Variants in SEMA4D observed in about 807,000 individuals in gnomAD.
The protein encoded by SEMA4D is semaphorin 4D, also known as semaphorin-4D.
Under a neutral mutation model 74.8 loss-of-function variants are expected in SEMA4D, and 22 were observed. The ratio of observed to expected loss-of-function variants is 0.29; its 90% CI spans 0.21 to 0.42. SEMA4D has a LOEUF of 0.42. Ranked by LOEUF, SEMA4D falls within the 10% of genes least tolerant of loss-of-function variation. The pLI is 1.00. For missense variants in SEMA4D, 937 were observed against 1,118.4 expected (o/e 0.84, Z 2.31); for synonymous variants, 445 against 463.7 (o/e 0.96, Z 0.52).
intron 16 of SEMA4D, chr9:89,368,086 C>G (rs1321269926): frequency 6.6e-6 from 1 of 152,562 alleles, no homozygotes; most frequent in Non-Finnish European, 1.5e-5. Flanking sequence ...GTTGCTCGGG[C>G]CCATCCTGGA....
intron 2 of SEMA4D, among the ~76,000 whole-genome samples, chr9:89,413,433 T>C (rs951275100): frequency 6.6e-5 from 10 of 152,224 alleles, no homozygotes; most frequent in African/African-American, 2.4e-4. Flanking sequence ...TATGTATATA[T>C]ATATGTGGAC....
At chr9:89,446,980 C>G (rs1409516363) in intron 2 of SEMA4D, among the ~76,000 whole-genome samples, 1 of 152,146 alleles carries the variant, frequency 6.6e-6, no homozygotes, top group Non-Finnish European at 1.5e-5. Context: ...GATGCCTTCC[C>G]TTCCAAATCC....
chr9:89,417,355 A>T (rs1469639338), intron 2 of SEMA4D, among the ~76,000 whole-genome samples: 1 of 152,236 alleles, frequency 6.6e-6, no homozygotes, highest in Non-Finnish European at 1.5e-5. Context: ...TGCTGTGCTA[A>T]TTAAAGCCGC....
intron 1 of SEMA4D, chr9:89,472,369 CT>C: frequency 2.6e-6 from 1 of 385,646 alleles, no homozygotes; most frequent in Non-Finnish European, 5.0e-6. Flanking sequence ...AGACAAGACA[CT>C]TACAAGATGG....
chr9:89,487,487 C>T (rs1281956415), intron 1 of SEMA4D, among the ~76,000 whole-genome samples: 1 of 152,134 alleles, frequency 6.6e-6, no homozygotes, highest in African/African-American at 2.4e-5. Context: ...GCAAGAATGT[C>T]CACTTTTATC....
At chr9:89,490,740 A>G (rs72750937) in intron 1 of SEMA4D, among the ~76,000 whole-genome samples, 3,358 of 152,328 alleles carry the variant, frequency 0.022, 66 homozygotes, top group South Asian at 0.075. Context: ...AGCAACTGTC[A>G]AATATATGCT....
chr9:89,366,711 A>C (rs935759558), intron 16 of SEMA4D, among the ~76,000 whole-genome samples: 2 of 152,254 alleles, frequency 1.3e-5, no homozygotes, highest in Admixed American at 6.5e-5. Flanking sequence ...GCTGATGGGC[A>C]TCCAGGTAAA....
chr9:89,440,227 G>A lies in SEMA4D; in HGVS notation c.-244+15661C>T, dbSNP rs545234932. The stretch of plus-strand genomic sequence containing the variant: ...CCTCTGCCCCACAGACCCAGTTGAG[G>A]CTCCCTCCCCGCCCCTGCCAGGAAG... On this transcript the variant is annotated intron_variant, in intron 2 of 15. Coordinates refer to ENST00000422704, the MANE Select transcript of SEMA4D (RefSeq NM_001371194.2). Among the ~76,000 whole-genome samples the A allele has an allele frequency of 7.2e-5, 11 of 152,160 alleles. No homozygotes were observed. The East Asian group carries it at 1.5e-3, about 21-fold the overall frequency.
chr9:89,392,608 C>T, intron 7 of SEMA4D, 72 bp from the exon 8 acceptor site: 1 of 911,532 alleles, frequency 1.1e-6, no homozygotes, highest in Non-Finnish European at 1.8e-6. Flanking sequence ...CTGGGACAAA[C>T]ATTCAACACG....
intron 2 of SEMA4D, among the ~76,000 whole-genome samples, chr9:89,434,617 C>T (rs1384557886): frequency 1.3e-5 from 2 of 152,218 alleles, no homozygotes; most frequent in Non-Finnish European, 2.9e-5. Context: ...TCTGTGATTA[C>T]ATTTAGGGAT....
At chr9:89,418,250 A>C in intron 2 of SEMA4D, 2 of 693,062 alleles carry the variant, frequency 2.9e-6, no homozygotes, top group Non-Finnish European at 3.6e-6. Context: ...CCTTAGACGC[A>C]GGATCAGCTT....
intron 16 of SEMA4D, among the ~76,000 whole-genome samples, chr9:89,365,912 T>C (rs1833583414): frequency 6.6e-6 from 1 of 152,244 alleles, no homozygotes. Context: ...CTGTGGCATC[T>C]GCTCATCTTT....
intron 1 of SEMA4D, among the ~76,000 whole-genome samples, chr9:89,467,842 T>C (rs1425334183): frequency 6.6e-6 from 1 of 152,112 alleles, no homozygotes; most frequent in Non-Finnish European, 1.5e-5. Flanking sequence ...ATGATTCTTA[T>C]AAATTGCTGC....
At chr9:89,433,798 G>A (rs2134752171) in intron 2 of SEMA4D, among the ~76,000 whole-genome samples, 1 of 152,260 alleles carries the variant, frequency 6.6e-6, no homozygotes, top group South Asian at 2.1e-4. Flanking sequence ...GGTGCAGATT[G>A]TCCCGGGGCT....
intron 16 of SEMA4D, among the ~76,000 whole-genome samples, chr9:89,366,627 C>T (rs75389949): frequency 0.025 from 3,781 of 152,328 alleles, 159 homozygotes; most frequent in East Asian, 0.16. Flanking sequence ...GTACATATTA[C>T]ATAGATGTAC....
chr9:89,412,160 G>A (rs993453463), intron 2 of SEMA4D, among the ~76,000 whole-genome samples: 1 of 152,190 alleles, frequency 6.6e-6, no homozygotes, highest in African/African-American at 2.4e-5. Context: ...CTTAGTTGAG[G>A]TAGAACAGGA....
chr9:89,496,132 T>C (rs1316598283), intron 1 of SEMA4D, among the ~76,000 whole-genome samples: 1 of 152,156 alleles, frequency 6.6e-6, no homozygotes, highest in Non-Finnish European at 1.5e-5. Context: ...GGATATCAAA[T>C]GCAACATGGT....
chr9:89,398,898 T>G (rs983615893), intron 5 of SEMA4D, among the ~76,000 whole-genome samples: 16 of 152,192 alleles, frequency 1.1e-4, no homozygotes, highest in African/African-American at 3.9e-4. Context: ...TAGCAACTCC[T>G]CCAAGCCTAA....
At chr9:89,370,352 T>C (rs889545859) in intron 16 of SEMA4D, among the ~76,000 whole-genome samples, 8 of 150,182 alleles carry the variant, frequency 5.3e-5, no homozygotes, top group African/African-American at 1.2e-4. Context: ...GTGGTGTATA[T>C]TGTGGTGTAT....
Sources: allele counts gnomAD v4.1 joint callset (sites outside exome capture counted in the v4.1 genomes callset), GRCh38; gene constraint gnomAD v4.1.1; transcripts MANE v1.5; gene names NCBI Gene and HGNC (gene_info 2026-07-23, HGNC 2026-07-21).